DNAH1: variants seen among roughly 807,000 people sequenced by gnomAD.
DNAH1 encodes the protein axonemal beta dynein heavy chain 1.
A neutral mutation model predicts 484.3 loss-of-function variants in DNAH1; 327 were observed. The ratio of observed to expected loss-of-function variants is 0.68; its 90% CI spans 0.62 to 0.74. The LOEUF (loss-of-function observed/expected upper bound fraction) is 0.74, where lower values mean the gene tolerates loss of function less well. DNAH1 is among the 30% of genes least tolerant of loss of function. DNAH1 has a pLI of 0.00. For synonymous variants in DNAH1, 2,192 were observed against 2,191.9 expected (o/e 1.00, Z 0.00); for missense variants, 5,052 against 5,546.8 (o/e 0.91, Z 2.83).
intron 53 of DNAH1, 33 bp downstream of exon 53, chr3:52,385,010 A>G (rs761126793): frequency 1.6e-5 from 25 of 1,588,884 alleles, no homozygotes; most frequent in Non-Finnish European, 2.0e-5. Flanking sequence ...GGACAAGGTC[A>G]GCTGCCTGCA....
At chr3:52,390,411 G>C (rs1704320773) in intron 60 of DNAH1, among the ~76,000 whole-genome samples, 1 of 152,216 alleles carries the variant, frequency 6.6e-6, no homozygotes, top group African/African-American at 2.4e-5. Context: ...GCTCCAGTGA[G>C]CCAAGATCAT....
At chr3:52,359,169 C>A (rs2153224278) in intron 25 of DNAH1, 77 bp from the exon 26 acceptor site, 1 of 1,522,430 alleles carries the variant, frequency 6.6e-7, no homozygotes, top group East Asian at 2.5e-5. Context: ...AGAGCACAGA[C>A]AGCATTCAGA....
In DNAH1 at chr3:52,384,970, T is replaced by G. The variant is rs917160133; in HGVS notation, c.8507T>G (p.Leu2836Arg). The stretch of plus-strand genomic sequence containing the variant: ...GCCAAGAACCGCATGAAGAGCGGCC[T>G]CGACAAGGTGGGCCCAGGCGAGTCC... ...KTAKNRMKSG[L>R]DKLLRTSEDV... The change falls in exon 53 of 78, where the codon CTC (leucine) becomes CGC (arginine). Residue 2836 changes from leucine to arginine, a missense_variant. By Grantham distance (102) the Leu-to-Arg change is moderately radical (BLOSUM62 -2). Around this residue, in one of 4 missense-constraint regions of DNAH1, gnomAD observed 2,929 missense variants for 3,409.4 expected, o/e 0.86. Transcript: ENST00000420323. 17 of 1,612,616 alleles carry G rather than the reference T, an allele frequency of 1.1e-5. No individual in the cohort carries two copies. Among genetic ancestry groups the G allele is most frequent in the Admixed American group, 1.7e-5 (1 of 59,886 alleles).
At position 52,323,821 on chromosome 3, in the gene DNAH1, GC is replaced by G; in HGVS notation, c.352del (p.Arg118GlufsTer2). The G allele has an allele frequency of 1.9e-6, 3 of 1,590,664 alleles. No homozygotes were observed. Among genetic ancestry groups the G allele is most frequent in the Admixed American group, 1.8e-5 (1 of 56,678 alleles). On this transcript the variant is annotated frameshift_variant, in exon 3 of 78. Coordinates refer to ENST00000420323, the MANE Select transcript of DNAH1 (RefSeq NM_015512.5). LOFTEE classifies it high-confidence loss of function. ...GTTTGGTTTCAGGAGGTATGTCGTGGCCCCCGAATGAGCCAGAACCTCCTGC... is the reference window on the plus strand; with the variant it reads ...GTTTGGTTTCAGGAGGTATGTCGTGGCCCCGAATGAGCCAGAACCTCCTGC... ...TLDQLGEVCR[G>X]PRMSQNLLRQ... is the part of the protein sequence containing the mutation.
chr3:52,373,562 TCAGCC>T, intron 44 of DNAH1: 1 of 1,483,438 alleles, frequency 6.7e-7, no homozygotes, highest in Non-Finnish European at 9.4e-7. Flanking sequence ...TACCCGTCTC[TCAGCC>T]CATAGTGAAG....
chr3:52,339,804 C>CTGTGTG (rs59262545), intron 8 of DNAH1, among the ~76,000 whole-genome samples: 120 of 146,626 alleles, frequency 8.2e-4, no homozygotes, highest in Middle Eastern at 3.5e-3. Flanking sequence ...GTGTGTGTGT[C>CTGTGTG]TGTGTGTGTG....
chr3:52,382,101 C>T (rs987981944), intron 49 of DNAH1, among the ~76,000 whole-genome samples: 15 of 152,100 alleles, frequency 9.9e-5, no homozygotes, highest in African/African-American at 3.6e-4. Flanking sequence ...CTCTCAGAAT[C>T]AGAGCTGGGA....
chr3:52,322,897 C>T, intron 2 of DNAH1, 122 bp downstream of exon 2: 1 of 906,144 alleles, frequency 1.1e-6, no homozygotes, highest in South Asian at 1.5e-5. Flanking sequence ...ATCGATCTAT[C>T]CATCTGTCTT....
At position 52,364,592 on chromosome 3, in the gene DNAH1, T is replaced by G; in HGVS notation, c.5245-46T>G. ...GGCAGAGTGTTCCAGGCAGAAGCCTTGGAGAGGGACAGTGCTCACCCATGC... is the reference window on the plus strand; with the variant it reads ...GGCAGAGTGTTCCAGGCAGAAGCCTGGGAGAGGGACAGTGCTCACCCATGC... On this transcript the variant is annotated intron_variant, in intron 32 of 77. Coordinates refer to ENST00000420323, the MANE Select transcript of DNAH1 (RefSeq NM_015512.5). This position sits in a 1 kb window ranked among gnomAD's most constrained non-coding sequence, Gnocchi z 4.2. 6.2e-7 allele frequency: 1 copy of G among 1,607,134 alleles called. No homozygotes were observed. The highest frequency in any genetic ancestry group is 8.5e-7 in the Non-Finnish European group (1 of 1,173,978).
chr3:52,384,104 G>A (rs530800337), intron 52 of DNAH1, 73 bp downstream of exon 52: 3 of 1,423,614 alleles, frequency 2.1e-6, no homozygotes, highest in Non-Finnish European at 2.8e-6. Context: ...GGGTCACCAA[G>A]GTCTGGGTGA....
chr3:52,399,906 G>A, intron 77 of DNAH1, 127 bp downstream of exon 77: 2 of 999,802 alleles, frequency 2.0e-6, no homozygotes, highest in Admixed American at 2.5e-5. Flanking sequence ...GGCCAGGCCA[G>A]CAAGCAGCAG....
chr3:52,377,160 C>T (rs751148037), intron 46 of DNAH1, among the ~76,000 whole-genome samples: 10 of 152,140 alleles, frequency 6.6e-5, no homozygotes, highest in Non-Finnish European at 1.5e-4. Flanking sequence ...GGGATGTCCA[C>T]AGGGTATCTC....
chr3:52,346,105 C>A (rs952237142), intron 10 of DNAH1, among the ~76,000 whole-genome samples: 1 of 152,198 alleles, frequency 6.6e-6, no homozygotes, highest in African/African-American at 2.4e-5. Flanking sequence ...CTGTCTGTCT[C>A]TCCACCTTAT....
rs140409219 is a variant in DNAH1, at chr3:52,361,701, G to T, written c.4915G>T (p.Asp1639Tyr). 3 of 1,611,332 alleles carry T rather than the reference G, an allele frequency of 1.9e-6. No individual in the cohort carries two copies. Among genetic ancestry groups the T allele is most frequent in the East Asian group, 4.5e-5 (2 of 44,804 alleles). The change falls in exon 30 of 78, where the codon GAC (aspartate) becomes TAC (tyrosine). Residue 1639 changes from aspartate (D) to tyrosine (Y), a missense_variant. Coordinates refer to ENST00000420323, the MANE Select transcript of DNAH1 (RefSeq NM_015512.5). This position sits in a 1 kb window ranked among gnomAD's most constrained non-coding sequence, Gnocchi z 5.6. ...WACFDEFNRI[D>Y]IEVLSVVAQQ... ...CTGCTTCGACGAGTTCAATCGCATC[G>T]ACATCGAGGTGCTGTCTGTGGTGGC...
intron 8 of DNAH1, among the ~76,000 whole-genome samples, chr3:52,335,387 A>C (rs1701705700): frequency 1.4e-5 from 2 of 140,478 alleles, no homozygotes; most frequent in South Asian, 4.5e-4. Flanking sequence ...CTTTTTAAAC[A>C]AAAAAAGCAA....
chr3:52,392,821 C>T lies in DNAH1; in HGVS notation c.10279-9C>T, dbSNP rs1190433457. 23 of 963,550 alleles carry T rather than the reference C, an allele frequency of 2.4e-5. No individual in the cohort carries two copies. Among genetic ancestry groups the T allele is most frequent in the Non-Finnish European group, 3.5e-5 (22 of 635,832 alleles). The allele number at this position is 963,550 out of a possible 1,614,324, so 59.7% of individuals were successfully genotyped here. A position where few individuals can be genotyped will look rare whatever the true frequency, so the allele number is the denominator to read the frequency against. On this transcript the variant is annotated splice_polypyrimidine_tract_variant and intron_variant, in intron 64 of 77. Transcript: ENST00000420323. ...CTTTGACCCCTCCCCCCACCCACTA[C>T]ACCCACAGGCCAAAGTCAGGATTGC...
At chr3:52,399,824 G>A in intron 77 of DNAH1, 45 bp downstream of exon 77, 1 of 1,581,314 alleles carries the variant, frequency 6.3e-7, no homozygotes, top group African/African-American at 1.3e-5. Flanking sequence ...CGGGGACCCA[G>A]GACTAACCCA....
chr3:52,324,055 A>G (rs1471064866), intron 3 of DNAH1, among the ~76,000 whole-genome samples, 175 bp downstream of exon 3: 1 of 152,168 alleles, frequency 6.6e-6, no homozygotes, highest in African/African-American at 2.4e-5. Flanking sequence ...GTGCTCAGTC[A>G]GCCACAGCTA....
chr3:52,364,709 C>G lies in DNAH1; in HGVS notation c.5316C>G (p.Asn1772Lys). The change falls in exon 33 of 78, where the codon AAC becomes AAG. Residue 1772 changes from asparagine (N) to lysine (K), a missense_variant. Transcript: ENST00000420323. This position sits in a 1 kb window ranked among gnomAD's most constrained non-coding sequence, Gnocchi z 4.2. ...CTGCTGGGAACCTCAAGCGAGAAAA[C>G]CCCAGCATGAATGAGGTGAGCTCCA... is the stretch of plus-strand genomic sequence containing the variant. ...ISAAGNLKRE[N>K]PSMNEELICL... The G allele has an allele frequency of 1.2e-6, 2 of 1,613,540 alleles. No individual in the cohort carries two copies. Among genetic ancestry groups the G allele is most frequent in the Non-Finnish European group, 1.7e-6 (2 of 1,179,610 alleles).
Sources: allele counts gnomAD v4.1 joint callset (sites outside exome capture counted in the v4.1 genomes callset), GRCh38; gene constraint gnomAD v4.1.1; regional missense constraint gnomAD v4.1.1; non-coding constraint Gnocchi (gnomAD v3.1); transcripts MANE v1.5; gene names NCBI Gene and HGNC (gene_info 2026-07-23, HGNC 2026-07-21).